Variants in NEGR1 observed in about 807,000 individuals in gnomAD.
NEGR1 encodes IgLON family member 4.
A neutral mutation model predicts 40.9 loss-of-function variants in NEGR1; 10 were observed. That is an observed-to-expected ratio of 0.24 (90% CI 0.15 to 0.42). The LOEUF (loss-of-function observed/expected upper bound fraction) is 0.42. NEGR1 is among the 10% of genes least tolerant of loss of function. NEGR1 has a pLI of 1.00. For missense variants in NEGR1, 352 were observed against 438.9 expected, an observed-to-expected ratio of 0.80 and a Z score of 1.77; for synonymous variants, 185 against 166.8, an observed-to-expected ratio of 1.11 and a Z score of -0.84.
At chr1:71,656,475 G>A (rs12024864) in intron 4 of NEGR1, among the ~76,000 whole-genome samples, 2 of 151,588 alleles carry the variant, frequency 1.3e-5, no homozygotes, top group East Asian at 3.9e-4. Flanking sequence ...TGCAGTGGCG[G>A]GATCTCGGCT....
intron 1 of NEGR1, among the ~76,000 whole-genome samples, chr1:72,227,235 A>T (rs1654221407): frequency 6.6e-6 from 1 of 152,120 alleles, no homozygotes; most frequent in Admixed American, 6.6e-5. Context: ...ATTAAAAGTA[A>T]TGTTATGAAA....
At chr1:72,099,910 C>T (rs1161541968) in intron 1 of NEGR1, among the ~76,000 whole-genome samples, 1 of 151,828 alleles carries the variant, frequency 6.6e-6, no homozygotes, top group African/African-American at 2.4e-5. Context: ...TACACACACA[C>T]ACATACACAT....
At chr1:71,413,175 A>T (rs1646334331) in intron 6 of NEGR1, among the ~76,000 whole-genome samples, 1 of 152,206 alleles carries the variant, frequency 6.6e-6, no homozygotes, top group Admixed American at 6.5e-5. Flanking sequence ...AGTTATTACA[A>T]AGATCAAATG....
At chr1:72,218,854 G>T (rs531119567) in intron 1 of NEGR1, among the ~76,000 whole-genome samples, 1 of 152,088 alleles carries the variant, frequency 6.6e-6, no homozygotes, top group East Asian at 1.9e-4. Context: ...CATGTGTAAA[G>T]CCCCCAAAAA....
At chr1:72,079,086 AATAT>A (rs67575298) in intron 1 of NEGR1, among the ~76,000 whole-genome samples, 3,888 of 142,282 alleles carry the variant, frequency 0.027, 97 homozygotes, top group African/African-American at 0.064. Context: ...CATTTAACAG[AATAT>A]ATATATATAT....
intron 1 of NEGR1, among the ~76,000 whole-genome samples, chr1:71,996,620 C>T (rs1281880744): frequency 6.6e-6 from 1 of 152,098 alleles, no homozygotes; most frequent in Non-Finnish European, 1.5e-5. Flanking sequence ...GTCAAGGCTA[C>T]TTCCTCAACA....
At chr1:72,037,431 C>T (rs1303705461) in intron 1 of NEGR1, among the ~76,000 whole-genome samples, 1 of 152,040 alleles carries the variant, frequency 6.6e-6, no homozygotes. Flanking sequence ...GGCACTTAAG[C>T]CACATAATTA....
At chr1:72,014,262 T>G (rs1489379130) in intron 1 of NEGR1, among the ~76,000 whole-genome samples, 1 of 152,030 alleles carries the variant, frequency 6.6e-6, no homozygotes, top group Non-Finnish European at 1.5e-5. Flanking sequence ...AATAATCTTA[T>G]TATTTAGAAA....
At chr1:71,816,950 GAA>G (rs59577637) in intron 2 of NEGR1, among the ~76,000 whole-genome samples, 24 of 150,422 alleles carry the variant, frequency 1.6e-4, no homozygotes, top group Admixed American at 2.7e-4. Context: ...TCTCTTACTA[GAA>G]AAAAAAAAAT....
chr1:71,684,162 G>A (rs1326450295), intron 4 of NEGR1, among the ~76,000 whole-genome samples: 2 of 151,902 alleles, frequency 1.3e-5, no homozygotes, highest in East Asian at 3.9e-4. Context: ...CCCAGCTACT[G>A]GGGAGGCTGA....
chr1:72,230,748 C>A (rs2100497518), intron 1 of NEGR1, among the ~76,000 whole-genome samples: 1 of 152,228 alleles, frequency 6.6e-6, no homozygotes, highest in African/African-American at 2.4e-5. Context: ...TTCTACCAAC[C>A]ATGTCCAACA....
chr1:71,951,138 T>A (rs542635554), intron 1 of NEGR1, among the ~76,000 whole-genome samples: 1 of 152,052 alleles, frequency 6.6e-6, no homozygotes, highest in South Asian at 2.1e-4. Context: ...AATGAATGGA[T>A]TAATTTTTTT....
intron 3 of NEGR1, among the ~76,000 whole-genome samples, chr1:71,740,735 A>G (rs578108262): frequency 6.6e-6 from 1 of 152,232 alleles, no homozygotes; most frequent in South Asian, 2.1e-4. Flanking sequence ...TAAATAAATT[A>G]AATTAAATAA....
At chr1:72,208,334 C>T (rs1429938492) in intron 1 of NEGR1, among the ~76,000 whole-genome samples, 1 of 151,680 alleles carries the variant, frequency 6.6e-6, no homozygotes, top group Admixed American at 6.6e-5. Context: ...TATGCCAATG[C>T]ATTTCTGTCA....
intron 2 of NEGR1, among the ~76,000 whole-genome samples, chr1:71,898,705 A>G (rs1661041504): frequency 6.6e-6 from 1 of 151,604 alleles, no homozygotes; most frequent in Admixed American, 6.6e-5. Flanking sequence ...GGACGTTCAA[A>G]ACATATCTTG....
chr1:71,432,423 G>A (rs1442325734), intron 6 of NEGR1, among the ~76,000 whole-genome samples: 1 of 152,108 alleles, frequency 6.6e-6, no homozygotes, highest in African/African-American at 2.4e-5. Flanking sequence ...ACAACTGAAG[G>A]AGTGCAGGAA....
At chr1:71,900,658 A>T (rs1661119211) in intron 2 of NEGR1, among the ~76,000 whole-genome samples, 1 of 152,176 alleles carries the variant, frequency 6.6e-6, no homozygotes. Context: ...TAATGTTTGC[A>T]TGTTTTAATA....
chr1:71,797,086 G>A (rs1657359300), intron 2 of NEGR1, among the ~76,000 whole-genome samples: 1 of 152,176 alleles, frequency 6.6e-6, no homozygotes, highest in African/African-American at 2.4e-5. Context: ...CAGAAAGACA[G>A]ACGGGAATGC....
chr1:71,756,411 C>CAAAAAAAAAAAACAAAAA (rs1655742413), intron 3 of NEGR1, among the ~76,000 whole-genome samples: 1 of 66,418 alleles, frequency 1.5e-5, no homozygotes, highest in Admixed American at 1.9e-4. Context: ...CAAAAACAAA[C>CAAAAAAAAAAAACAAAAA]AAAAAAAAAA....
Sources: gnomAD v4.1 joint callset for allele counts (sites outside exome capture counted in the v4.1 genomes callset) on GRCh38, gnomAD v4.1.1 for gene constraint, MANE v1.5 for transcripts, NCBI Gene and HGNC (gene_info 2026-07-23, HGNC 2026-07-21) for gene names.